CCDC150: variants seen among roughly 807,000 people sequenced by gnomAD.
CCDC150 encodes the protein coiled-coil domain-containing protein 150.
CCDC150 carries 151 observed loss-of-function variants against 156.5 expected under a neutral mutation model. The observed-to-expected ratio is 0.97, with a 90% CI of 0.85 to 1.10. The LOEUF (loss-of-function observed/expected upper bound fraction) is 1.10. Ranked by LOEUF, CCDC150 falls within the 50% of genes least tolerant of loss-of-function variation. The pLI is 0.00. For missense variants in CCDC150, 1,312 were observed against 1,268.1 expected (o/e 1.03, Z -0.53); for synonymous variants, 452 against 429.4 (o/e 1.05, Z -0.65).
intron 17 of CCDC150, among the ~76,000 whole-genome samples, chr2:196,717,447 T>C (rs913742694): frequency 1.3e-5 from 2 of 152,162 alleles, no homozygotes; most frequent in Admixed American, 1.3e-4. Flanking sequence ...CATATACACA[T>C]GCATCCACAC....
intron 13 of CCDC150, among the ~76,000 whole-genome samples, chr2:196,684,019 A>T (rs2125630647): frequency 6.6e-6 from 1 of 151,868 alleles, no homozygotes; most frequent in Non-Finnish European, 1.5e-5. Flanking sequence ...TACCTTCTTT[A>T]TGTTTGCTTG....
In CCDC150 at chr2:196,656,729, T is replaced by G; in HGVS notation, c.273T>G (p.Asp91Glu). The G allele has an allele frequency of 6.2e-7, 1 of 1,613,852 alleles. No individual in the cohort carries two copies. The highest frequency in any genetic ancestry group is 8.5e-7 in the Non-Finnish European group (1 of 1,179,786). The change falls in exon 3 of 28, where the codon GAT (aspartate) becomes GAG (glutamate). Residue 91 changes from aspartate to glutamate, a missense_variant. Asp to Glu is a conservative substitution (Grantham distance 45, BLOSUM62 2). Transcript: ENST00000389175. ...QNEAICAGKT[D>E]ILWKNCEFLV... Reference sequence around the variant, plus strand: ...AAGCAATTTGTGCAGGAAAAACAGATATTTTATGGAAGAACTGTGAGTTTC... The same window carrying G: ...AAGCAATTTGTGCAGGAAAAACAGAGATTTTATGGAAGAACTGTGAGTTTC...
chr2:196,689,711 T>C (rs1181300833), intron 13 of CCDC150, among the ~76,000 whole-genome samples: 1 of 151,878 alleles, frequency 6.6e-6, no homozygotes, highest in Admixed American at 6.6e-5. Context: ...TTTGACTTCC[T>C]CTTTTCCTAA....
intron 18 of CCDC150, 84 bp from the exon 19 acceptor site, chr2:196,719,413 T>C (rs945700827): frequency 8.0e-6 from 9 of 1,120,812 alleles, no homozygotes; most frequent in Admixed American, 6.1e-5. Flanking sequence ...CTTTCCATGC[T>C]CTTTCCTGGG....
chr2:196,679,593 A>G (rs1694699230), intron 13 of CCDC150, among the ~76,000 whole-genome samples: 1 of 152,246 alleles, frequency 6.6e-6, no homozygotes, highest in African/African-American at 2.4e-5. Flanking sequence ...CTATATAAAT[A>G]TTCAGATATG....
intron 1 of CCDC150, among the ~76,000 whole-genome samples, chr2:196,641,898 T>A (rs1692253011): frequency 6.6e-6 from 1 of 152,226 alleles, no homozygotes; most frequent in South Asian, 2.1e-4. Context: ...GAATGGAGCC[T>A]GTGTCCACAG....
intron 21 of CCDC150, among the ~76,000 whole-genome samples, chr2:196,723,231 G>C (rs888372068): frequency 2.6e-5 from 4 of 152,108 alleles, no homozygotes; most frequent in Non-Finnish European, 5.9e-5. Flanking sequence ...CGCCGGGTGC[G>C]GTGGCTCACA....
At chr2:196,647,746 C>T (rs970243979) in intron 2 of CCDC150, among the ~76,000 whole-genome samples, 24 of 151,994 alleles carry the variant, frequency 1.6e-4, no homozygotes, top group Non-Finnish European at 2.8e-4. Flanking sequence ...ATACTTATTT[C>T]CTTGTGGCAA....
chr2:196,708,075 C>G (rs772531171), intron 15 of CCDC150, among the ~76,000 whole-genome samples: 1 of 152,134 alleles, frequency 6.6e-6, no homozygotes, highest in Non-Finnish European at 1.5e-5. Flanking sequence ...AACCTTCTGT[C>G]TCATTGATCT....
At chr2:196,731,391 C>CT (rs11314304) in intron 26 of CCDC150, among the ~76,000 whole-genome samples, 16 of 133,294 alleles carry the variant, frequency 1.2e-4, no homozygotes, top group South Asian at 7.4e-4. Flanking sequence ...TCAAATCATA[C>CT]TTTTTTTTTT....
chr2:196,670,546 T>G (rs1694137983), intron 8 of CCDC150, among the ~76,000 whole-genome samples: 1 of 151,502 alleles, frequency 6.6e-6, no homozygotes, highest in Non-Finnish European at 1.5e-5. Context: ...CAAAGAAAAC[T>G]AGCTTTTTTT....
At chr2:196,661,180 A>G (rs941750931) in intron 5 of CCDC150, among the ~76,000 whole-genome samples, 7 of 152,320 alleles carry the variant, frequency 4.6e-5, no homozygotes, top group Non-Finnish European at 7.3e-5. Context: ...CAGAAGTACT[A>G]TGCTAGTCAA....
At position 196,726,136 on chromosome 2, in the gene CCDC150, C is replaced by T. The variant is rs1250569728; in HGVS notation, c.2556+37C>T. 3 of 1,606,266 alleles carry T rather than the reference C, an allele frequency of 1.9e-6. No individual in the cohort carries two copies. The East Asian group carries it at 6.7e-5, about 36-fold the overall frequency. On this transcript the variant is annotated intron_variant, in intron 22 of 27. Coordinates refer to ENST00000389175, the MANE Select transcript of CCDC150 (RefSeq NM_001080539.2). ...AGAAAAGTTTCTCTTTTGGTGAATG[C>T]CTCTTAGGATAAGCAGCTCAAGGAT...
At chr2:196,692,348 A>G (rs1184045870) in intron 13 of CCDC150, among the ~76,000 whole-genome samples, 2 of 150,342 alleles carry the variant, frequency 1.3e-5, no homozygotes, top group African/African-American at 4.9e-5. Context: ...GTTAGCCAGG[A>G]TGGTCTCGAT....
intron 21 of CCDC150, among the ~76,000 whole-genome samples, chr2:196,725,330 C>A (rs567495432): frequency 6.6e-6 from 1 of 152,258 alleles, no homozygotes; most frequent in South Asian, 2.1e-4. Flanking sequence ...AGTCACTTAT[C>A]CTTTTAAAAG....
At chr2:196,699,768 C>T (rs548732128) in intron 14 of CCDC150, among the ~76,000 whole-genome samples, 59 of 152,336 alleles carry the variant, frequency 3.9e-4, no homozygotes, top group African/African-American at 1.4e-3. Context: ...GATTCTCCCA[C>T]CTCAGCCACC....
intron 13 of CCDC150, among the ~76,000 whole-genome samples, chr2:196,688,127 G>A (rs1438578445): frequency 1.3e-5 from 2 of 151,966 alleles, no homozygotes; most frequent in Non-Finnish European, 1.5e-5. Context: ...TAGTATTTTC[G>A]AGTTCTGTGA....
chr2:196,731,703 T>TA (rs1698532862), intron 26 of CCDC150, among the ~76,000 whole-genome samples: 1 of 152,136 alleles, frequency 6.6e-6, no homozygotes, highest in Non-Finnish European at 1.5e-5. Flanking sequence ...ACTACATTCT[T>TA]AAGAGTCTTT....
intron 14 of CCDC150, among the ~76,000 whole-genome samples, chr2:196,697,750 C>G (rs2125657892): frequency 1.3e-5 from 2 of 152,228 alleles, no homozygotes; most frequent in East Asian, 3.9e-4. Flanking sequence ...TACCAAGATG[C>G]CAGTATCCTA....
Sources: gnomAD v4.1 joint callset for allele counts (sites outside exome capture counted in the v4.1 genomes callset) on GRCh38, gnomAD v4.1.1 for gene constraint, MANE v1.5 for transcripts, NCBI Gene and HGNC (gene_info 2026-07-23, HGNC 2026-07-21) for gene names.